The following PPP2R2B variants were observed in gnomAD, a reference collection of about 807,000 sequenced individuals.
The protein encoded by PPP2R2B is serine/threonine-protein phosphatase 2A 55 kDa regulatory subunit B beta isoform.
PPP2R2B carries 5 observed loss-of-function variants against 46.0 expected under a neutral mutation model. The ratio of observed to expected loss-of-function variants is 0.11; its 90% CI spans 0.06 to 0.23. The LOEUF is 0.23. Ranked by LOEUF, PPP2R2B falls within the 10% of genes least tolerant of loss-of-function variation. The probability of loss-of-function intolerance (pLI) is 1.00; values close to 1 mark genes in which losing one functional copy is unlikely to be tolerated. For missense variants in PPP2R2B, 367 were observed against 575.0 expected, an observed-to-expected ratio of 0.64 and a Z score of 3.70; for synonymous variants, 215 against 206.7, an observed-to-expected ratio of 1.04 and a Z score of -0.34.
At position 146,933,914 on chromosome 5, in the gene PPP2R2B, G is replaced by T. The variant is rs551205238; in HGVS notation, c.79+121751C>A. 1.6e-4 allele frequency among the ~76,000 whole-genome samples: 23 copies of T among 145,458 alleles called. No individual in the cohort carries two copies. In the East Asian group the frequency reaches 4.1e-3, roughly 26 times the overall value. ...GTCTCATTGTTCAATTCCCACCTAT[G>T]AGTGAGAACATGCGGTGTTTGGTTT... On this transcript the variant is annotated intron_variant, in intron 1 of 8. Transcript: ENST00000336640.
At chr5:146,673,938 T>C (rs950468664) in intron 5 of PPP2R2B, among the ~76,000 whole-genome samples, 8 of 152,216 alleles carry the variant, frequency 5.3e-5, no homozygotes, top group Non-Finnish European at 1.2e-4. Flanking sequence ...GGGATAGAAA[T>C]ATTCACTAAG....
At chr5:147,078,360 A>T (rs1003468275) in intron 2 of PPP2R2B, among the ~76,000 whole-genome samples, 22 of 152,318 alleles carry the variant, frequency 1.4e-4, no homozygotes, top group African/African-American at 4.8e-4. Context: ...CTCATAATTG[A>T]TGGGAAGCCA....
At chr5:146,926,743 C>T (rs1328292486) in intron 1 of PPP2R2B, among the ~76,000 whole-genome samples, 3 of 152,150 alleles carry the variant, frequency 2.0e-5, no homozygotes, top group Non-Finnish European at 4.4e-5. Flanking sequence ...CTGATATCTG[C>T]TGGACCTTTT....
At chr5:146,590,396 G>GTTTTTTTTTTTTTTTTTTT (rs1561746835) in intron 9 of PPP2R2B, among the ~76,000 whole-genome samples, 170 bp from the exon 10 acceptor site, 2 of 125,760 alleles carry the variant, frequency 1.6e-5, no homozygotes, top group Non-Finnish European at 1.7e-5. Flanking sequence ...TTTTTTTTTT[G>GTTTTTTTTTTTTTTTTTTT]TGTTTTTTTT....
chr5:146,915,263 G>A (rs2151809493), intron 1 of PPP2R2B, among the ~76,000 whole-genome samples: 1 of 152,234 alleles, frequency 6.6e-6, no homozygotes, highest in Middle Eastern at 3.4e-3. Flanking sequence ...ATCAGATCAT[G>A]TCATTCTTCT....
intron 5 of PPP2R2B, among the ~76,000 whole-genome samples, chr5:146,668,119 C>A (rs1304047449): frequency 2.6e-5 from 4 of 152,186 alleles, no homozygotes; most frequent in African/African-American, 9.7e-5. Context: ...TCATCTCATT[C>A]CTCCTTTCTT....
chr5:146,691,006 G>A (rs1778814151), intron 5 of PPP2R2B, 122 bp downstream of exon 5: 7 of 749,304 alleles, frequency 9.3e-6, no homozygotes. Context: ...GGTAGGCTGA[G>A]TCTCTGCCTA....
chr5:147,016,156 C>G (rs1580807447), intron 1 of PPP2R2B, among the ~76,000 whole-genome samples: 2 of 151,534 alleles, frequency 1.3e-5, no homozygotes, highest in South Asian at 4.2e-4. Context: ...GGAAACATGG[C>G]AAGATCCATC....
At chr5:146,625,861 C>A (rs1774019442) in intron 7 of PPP2R2B, among the ~76,000 whole-genome samples, 1 of 152,106 alleles carries the variant, frequency 6.6e-6, no homozygotes, top group South Asian at 2.1e-4. Flanking sequence ...CACAAAGGTC[C>A]TTAAAAGTGG....
At chr5:146,773,250 T>C (rs1754981355) in intron 2 of PPP2R2B, among the ~76,000 whole-genome samples, 1 of 152,224 alleles carries the variant, frequency 6.6e-6, no homozygotes, top group African/African-American at 2.4e-5. Flanking sequence ...GAAATGGCCA[T>C]ACTGCACAGC....
chr5:146,631,071 GA>G (rs1209463103), intron 7 of PPP2R2B, among the ~76,000 whole-genome samples: 1 of 152,172 alleles, frequency 6.6e-6, no homozygotes, highest in African/African-American at 2.4e-5. Context: ...CAGAGGGGAA[GA>G]AACAAAACAA....
At chr5:146,965,803 G>T (rs1752374680) in intron 1 of PPP2R2B, among the ~76,000 whole-genome samples, 1 of 152,202 alleles carries the variant, frequency 6.6e-6, no homozygotes, top group Middle Eastern at 3.2e-3. Context: ...AAGCATGATG[G>T]TTAATAGCTA....
chr5:146,984,019 C>A (rs1388371109), intron 1 of PPP2R2B, among the ~76,000 whole-genome samples: 2 of 151,956 alleles, frequency 1.3e-5, no homozygotes, highest in African/African-American at 4.8e-5. Context: ...GATTTATGAA[C>A]ACAATATAGA....
chr5:147,022,463 G>A (rs752084955), intron 1 of PPP2R2B, among the ~76,000 whole-genome samples: 17 of 151,938 alleles, frequency 1.1e-4, no homozygotes, highest in Non-Finnish European at 2.2e-4. Context: ...GGGAGGCTGA[G>A]GCAGGGGAAT....
At chr5:146,674,636 TAA>T (rs759960777) in intron 5 of PPP2R2B, among the ~76,000 whole-genome samples, 89 of 152,182 alleles carry the variant, frequency 5.8e-4, no homozygotes, top group Non-Finnish European at 1.0e-3. Context: ...TGCTTCCCTT[TAA>T]AATACACCAA....
chr5:146,626,708 T>C lies in PPP2R2B; in HGVS notation c.790+11543A>G, dbSNP rs78833524. On this transcript the variant is annotated intron_variant, in intron 7 of 9. Transcript: ENST00000394411. ...CCAAGGCCAGAGCCATCTATAACCC[T>C]ATGGCCAATCTTTCCCATTCTGCAT... Among the ~76,000 whole-genome samples the C allele has an allele frequency of 7.8e-3, 1,191 of 152,266 alleles. 24 individuals carry two copies. The highest frequency in any genetic ancestry group is 0.025 in the African/African-American group (1,036 of 41,560).
At chr5:146,976,822 G>T (rs190594225) in intron 1 of PPP2R2B, among the ~76,000 whole-genome samples, 598 of 151,986 alleles carry the variant, frequency 3.9e-3, no homozygotes, top group Middle Eastern at 6.8e-3. Context: ...CATTCTTCCT[G>T]AAAATTTTAC....
chr5:146,878,933 G>T (rs995270628), upstream of PPP2R2B: 1 of 1,140,262 alleles, frequency 8.8e-7, no homozygotes, highest in African/African-American at 1.7e-5. The surrounding 1 kb of genome is among the most constrained non-coding windows in gnomAD (Gnocchi z 4.5). Context: ...CGACTAGCTT[G>T]CAGGTTCAGG....
intron 1 of PPP2R2B, among the ~76,000 whole-genome samples, chr5:146,897,246 C>G (rs1762674531): frequency 6.6e-6 from 1 of 152,104 alleles, no homozygotes. Flanking sequence ...TTTAGAAATG[C>G]CAAAGATGAT....
Sources: gnomAD v4.1 joint callset for allele counts (sites outside exome capture counted in the v4.1 genomes callset) on GRCh38, gnomAD v4.1.1 for gene constraint, Gnocchi (gnomAD v3.1) non-coding constraint, MANE v1.5 for transcripts, NCBI Gene and HGNC (gene_info 2026-07-23, HGNC 2026-07-21) for gene names.